ATXN10: variants seen among roughly 807,000 people sequenced by gnomAD.
ATXN10 encodes ataxin-10.
A neutral mutation model predicts 52.9 loss-of-function variants in ATXN10; 28 were observed. The observed-to-expected ratio is 0.53, with a 90% CI of 0.39 to 0.73. ATXN10 has a LOEUF of 0.73. ATXN10 is among the 30% of genes least tolerant of loss of function. The pLI, the probability that ATXN10 is intolerant of heterozygous loss-of-function variation, is 0.00. For synonymous variants in ATXN10, 226 were observed against 221.5 expected, an observed-to-expected ratio of 1.02 and a Z score of -0.18; for missense variants, 565 against 577.0, an observed-to-expected ratio of 0.98 and a Z score of 0.21.
rs80056359 is a variant in ATXN10 at position 45,760,408 on chromosome 22, G to A, written c.1173+19870G>A. The stretch of plus-strand genomic sequence containing the variant: ...GAGTGCTTACCATGTGCCACTTTCT[G>A]TGAACCTCTGCAGTTCAACAGTGGA... On this transcript the variant is annotated intron_variant, in intron 9 of 11. Coordinates refer to ENST00000252934, the MANE Select transcript of ATXN10 (RefSeq NM_013236.4). 6.4e-3 allele frequency: 981 copies of A among 154,100 alleles called. 7 individuals carry two copies. The highest frequency in any genetic ancestry group is 0.015 in the South Asian group (71 of 4,884). 9.5% of individuals were successfully genotyped at this position (154,100 alleles called of 1,614,324 possible).
intron 3 of ATXN10, among the ~76,000 whole-genome samples, chr22:45,693,457 T>C (rs1923465030): frequency 3.3e-5 from 5 of 152,108 alleles, no homozygotes; most frequent in Admixed American, 3.3e-4. Context: ...GCCTCTTGCT[T>C]TGTTCTCCTG....
At position 45,767,084 on chromosome 22, in the gene ATXN10, G is replaced by T. The variant is rs867844319; in HGVS notation, c.1173+26546G>T. Among the ~76,000 whole-genome samples, 39 of 152,328 alleles carry T rather than the reference G, an allele frequency of 2.6e-4. No individual in the cohort carries two copies. In the Middle Eastern group the frequency reaches 0.01, roughly 40 times the overall value. ...TTGGTAGTTCTGGTAAAATTCATAT[G>T]CATTTGCTTTTTGACTCAGCAGTCT... On this transcript the variant is annotated intron_variant, in intron 9 of 11. Coordinates refer to ENST00000252934, the MANE Select transcript of ATXN10 (RefSeq NM_013236.4).
At chr22:45,796,640 G>T (rs995475740) in intron 9 of ATXN10, among the ~76,000 whole-genome samples, 2 of 152,148 alleles carry the variant, frequency 1.3e-5, no homozygotes, top group African/African-American at 4.8e-5. Context: ...AAGGAAAATA[G>T]AAAAGAACCT....
chr22:45,757,109 TG>T lies in ATXN10; in HGVS notation c.1173+16573del, dbSNP rs1926200932. 6.6e-6 allele frequency among the ~76,000 whole-genome samples: 1 copy of T among 152,002 alleles called. No individual in the cohort carries two copies. The highest frequency in any genetic ancestry group is 2.4e-5 in the African/African-American group (1 of 41,390). On this transcript the variant is annotated intron_variant, in intron 9 of 11. Transcript: ENST00000252934. This position sits in a 1 kb window ranked among gnomAD's most constrained non-coding sequence, Gnocchi z 4.6. Reference sequence around the variant, plus strand: ...TGGCTTTGGTCTGCACCTGCAGCTCTGGACGGACTGCCTGGGGCTGGGGCTG... The same window carrying T: ...TGGCTTTGGTCTGCACCTGCAGCTCTGACGGACTGCCTGGGGCTGGGGCTG...
intron 9 of ATXN10, among the ~76,000 whole-genome samples, chr22:45,756,963 A>C (rs964806253): frequency 1.3e-5 from 2 of 152,144 alleles, no homozygotes; most frequent in Admixed American, 6.5e-5. Context: ...CATCGTGTGA[A>C]TCCCACTCCA....
chr22:45,737,753 C>T (rs887298118), intron 7 of ATXN10, among the ~76,000 whole-genome samples: 10 of 147,074 alleles, frequency 6.8e-5, no homozygotes, highest in Non-Finnish European at 1.3e-4. Context: ...GGCTACAGTC[C>T]AGTGGCGTGA....
chr22:45,834,120 C>T (rs568307528), intron 10 of ATXN10, among the ~76,000 whole-genome samples: 11 of 152,278 alleles, frequency 7.2e-5, no homozygotes, highest in African/African-American at 2.4e-4. Flanking sequence ...TAGTTTTACT[C>T]GTGTTACTAT....
intron 9 of ATXN10, among the ~76,000 whole-genome samples, chr22:45,771,387 A>G (rs1214990197): frequency 1.4e-5 from 2 of 145,700 alleles, no homozygotes; most frequent in East Asian, 2.0e-4. Flanking sequence ...ACGTTTTTTC[A>G]TATGTTTAAT....
Position 45,769,836 on chromosome 22 carries a change from C to G in ATXN10, c.1173+29298C>G, listed in dbSNP as rs1399515515. ...CAGTAGAGTGTGATCTGAACAAAAA[C>G]TCTTAAGAGTGTCAGGAAGTTAAAA... On this transcript the variant is annotated intron_variant, in intron 9 of 11. Coordinates refer to ENST00000252934, the MANE Select transcript of ATXN10 (RefSeq NM_013236.4). The surrounding 1 kb of genome is among the most constrained non-coding windows in gnomAD (Gnocchi z 4.2). Among the ~76,000 whole-genome samples, 1 of 152,146 alleles carries G rather than the reference C, an allele frequency of 6.6e-6. No individual in the cohort carries two copies. The highest frequency in any genetic ancestry group is 1.5e-5 in the Non-Finnish European group (1 of 68,024).
At chr22:45,710,666 T>C (rs1252823822) in intron 5 of ATXN10, among the ~76,000 whole-genome samples, 3 of 152,226 alleles carry the variant, frequency 2.0e-5, no homozygotes, top group Non-Finnish European at 2.9e-5. Flanking sequence ...TGCTTCTTTT[T>C]ATAAATAAAG....
chr22:45,817,114 G>C (rs892220311), intron 10 of ATXN10, among the ~76,000 whole-genome samples: 1 of 152,142 alleles, frequency 6.6e-6, no homozygotes. Flanking sequence ...ACGTTTGTTT[G>C]ATGCAGTGAA....
Position 45,712,638 on chromosome 22 carries a change from A to C in ATXN10, c.648-5775A>C, listed in dbSNP as rs567836699. On this transcript the variant is annotated intron_variant, in intron 5 of 11. Coordinates refer to ENST00000252934, the MANE Select transcript of ATXN10 (RefSeq NM_013236.4). The surrounding 1 kb of genome is among the most constrained non-coding windows in gnomAD (Gnocchi z 4.6). ...GGGTGGCTGGGATGTGCGTGTGTGT[A>C]ATACGTTTCCCCCAGTGCCTGGCAC... Among the ~76,000 whole-genome samples, 1 of 152,302 alleles carries C rather than the reference A, an allele frequency of 6.6e-6. No homozygotes were observed. Among genetic ancestry groups the C allele is most frequent in the South Asian group, 2.1e-4 (1 of 4,824 alleles).
Position 45,789,038 on chromosome 22 carries a change from T to G in ATXN10, c.1174-17921T>G, listed in dbSNP as rs942166675. Among the ~76,000 whole-genome samples the G allele has an allele frequency of 2.6e-5, 4 of 151,888 alleles. No homozygotes were observed. The highest frequency in any genetic ancestry group is 2.0e-4 in the Admixed American group (3 of 15,242). ...TGAGGTGGGGCCAAGACATGGGTAG[T>G]TTTAAAAGCTCCCCAGGAGATGCAG... On this transcript the variant is annotated intron_variant, in intron 9 of 11. Transcript: ENST00000252934. This position sits in a 1 kb window ranked among gnomAD's most constrained non-coding sequence, Gnocchi z 4.0.
At position 45,688,505 on chromosome 22, in the gene ATXN10, A is replaced by G. The variant is rs12170669; in HGVS notation, c.117-1207A>G. 0.011 allele frequency among the ~76,000 whole-genome samples: 1,725 copies of G among 152,312 alleles called. 36 individuals carry two copies. The highest frequency in any genetic ancestry group is 0.04 in the African/African-American group (1,655 of 41,568). On this transcript the variant is annotated intron_variant, in intron 1 of 11. Transcript: ENST00000252934. The surrounding 1 kb of genome is among the most constrained non-coding windows in gnomAD (Gnocchi z 4.0). ...AAACATAATAAATAATGTGAGTTCT[A>G]TTGTCTGTTCGTAAGATAAAAACAC...
chr22:45,787,123 T>A lies in ATXN10; in HGVS notation c.1174-19836T>A, dbSNP rs1465555678. 6.6e-6 allele frequency among the ~76,000 whole-genome samples: 1 copy of A among 152,244 alleles called. No homozygotes were observed. The highest frequency in any genetic ancestry group is 1.5e-5 in the Non-Finnish European group (1 of 68,044). On this transcript the variant is annotated intron_variant, in intron 9 of 11. Coordinates refer to ENST00000252934, the MANE Select transcript of ATXN10 (RefSeq NM_013236.4). The surrounding 1 kb of genome is among the most constrained non-coding windows in gnomAD (Gnocchi z 4.2). ...TTGTATGGAAAGATCTAAAATACTG[T>A]ATATATAAAGATGATCTTCATTTTT...
At chr22:45,707,354 T>C (rs1924082058) in intron 5 of ATXN10, among the ~76,000 whole-genome samples, 1 of 152,168 alleles carries the variant, frequency 6.6e-6, no homozygotes, top group Non-Finnish European at 1.5e-5. Flanking sequence ...TTATTTCTTT[T>C]TCTGAATATT....
chr22:45,746,986 A>G lies in ATXN10; in HGVS notation c.1173+6448A>G, dbSNP rs146243993. Among the ~76,000 whole-genome samples the G allele has an allele frequency of 4.6e-5, 7 of 152,292 alleles. No homozygotes were observed. The East Asian group carries it at 7.7e-4, about 17-fold the overall frequency. On this transcript the variant is annotated intron_variant, in intron 9 of 11. Coordinates refer to ENST00000252934, the MANE Select transcript of ATXN10 (RefSeq NM_013236.4). Reference sequence around the variant, plus strand: ...AAACACTTTATTTGGGTATCACTCAATTTTACTGTAGCAGCCTCCATCCCT... The same window carrying G: ...AAACACTTTATTTGGGTATCACTCAGTTTTACTGTAGCAGCCTCCATCCCT...
At chr22:45,747,840 G>A (rs749777130) in intron 9 of ATXN10, among the ~76,000 whole-genome samples, 27 of 152,146 alleles carry the variant, frequency 1.8e-4, no homozygotes, top group East Asian at 7.7e-4. Context: ...TAGTACTTTC[G>A]GAAGCCGAGG....
At chr22:45,699,097 C>T (rs1415435536) in intron 3 of ATXN10, among the ~76,000 whole-genome samples, 1 of 152,140 alleles carries the variant, frequency 6.6e-6, no homozygotes, top group African/African-American at 2.4e-5. Context: ...TATGTAAACA[C>T]AAGCATGAGT....
Sources: gnomAD v4.1 joint callset for allele counts (sites outside exome capture counted in the v4.1 genomes callset) on GRCh38, gnomAD v4.1.1 for gene constraint, Gnocchi (gnomAD v3.1) non-coding constraint, MANE v1.5 for transcripts, NCBI Gene and HGNC (gene_info 2026-07-23, HGNC 2026-07-21) for gene names.